The following WDR12 variants were observed in gnomAD, a reference collection of about 807,000 sequenced individuals.
WDR12 encodes ribosome biogenesis protein WDR12.
In WDR12, 42 loss-of-function variants were observed where a neutral mutation model predicts 64.3. That is an observed-to-expected ratio of 0.65 (90% CI 0.51 to 0.84). The LOEUF is 0.84. Ranked by LOEUF, WDR12 falls within the 40% of genes least tolerant of loss-of-function variation. The pLI is 0.00. For missense variants in WDR12, 469 were observed against 494.6 expected, an observed-to-expected ratio of 0.95 and a Z score of 0.49; for synonymous variants, 158 against 173.3, an observed-to-expected ratio of 0.91 and a Z score of 0.70.
chr2:202,905,366 A>G (rs545910287), intron 2 of WDR12, among the ~76,000 whole-genome samples: 1 of 152,328 alleles, frequency 6.6e-6, no homozygotes, highest in South Asian at 2.1e-4. Context: ...GCTGGTCTCA[A>G]ATTCTTGACT....
At chr2:202,890,996 T>TAAAAAAAAA in intron 8 of WDR12, among the ~76,000 whole-genome samples, 1 of 111,176 alleles carries the variant, frequency 9.0e-6, no homozygotes, top group Non-Finnish European at 1.7e-5. Flanking sequence ...TTTGTCTCTT[T>TAAAAAAAAA]AAAAAAAAAA....
chr2:202,895,663 C>T (rs543028502), intron 6 of WDR12, among the ~76,000 whole-genome samples: 2 of 149,434 alleles, frequency 1.3e-5, no homozygotes, highest in Non-Finnish European at 3.0e-5. Context: ...GCTGGGATTA[C>T]AGGCATGCGC....
intron 1 of WDR12, 83 bp from the exon 2 acceptor site, chr2:202,908,042 T>G: frequency 7.8e-7 from 1 of 1,275,602 alleles, no homozygotes; most frequent in South Asian, 1.2e-5. Flanking sequence ...ATACATTTAT[T>G]GGGTAAATAA....
intron 8 of WDR12, among the ~76,000 whole-genome samples, chr2:202,887,520 C>G (rs1420046862): frequency 1.3e-5 from 2 of 152,246 alleles, no homozygotes; most frequent in East Asian, 3.9e-4. Flanking sequence ...GAGTGAGAAA[C>G]AGAACAATCT....
chr2:202,879,077 C>A lies in WDR12; in HGVS notation c.*1783G>T, dbSNP rs1189241906. 3 of 152,154 alleles carry A rather than the reference C, an allele frequency of 2.0e-5. No individual in the cohort carries two copies. The highest frequency in any genetic ancestry group is 7.2e-5 in the African/African-American group (3 of 41,414). 9.4% of individuals were successfully genotyped at this position (152,154 alleles called of 1,614,324 possible). A position where few individuals can be genotyped will look rare whatever the true frequency, so the allele number is the denominator to read the frequency against. On this transcript the variant is annotated 3_prime_UTR_variant, in exon 13 of 13. Coordinates refer to ENST00000261015, the MANE Select transcript of WDR12 (RefSeq NM_018256.4). ...ACAGAGTCTTGCTCTGTTGCCCAGG[C>A]TGAAATGCAGTGGCACAATCTCAGC...
At chr2:202,882,961 A>G in intron 11 of WDR12, 178 bp from the exon 12 acceptor site, 1 of 527,150 alleles carries the variant, frequency 1.9e-6, no homozygotes, top group Non-Finnish European at 3.4e-6. Flanking sequence ...TATCATTGGT[A>G]GACCACAGAC....
At chr2:202,910,284 A>G (rs1175060790) in intron 1 of WDR12, among the ~76,000 whole-genome samples, 1 of 152,184 alleles carries the variant, frequency 6.6e-6, no homozygotes, top group Non-Finnish European at 1.5e-5. Context: ...GGACTTTGGG[A>G]GACCGAGGTG....
chr2:202,889,343 G>GT (rs1347585319), intron 8 of WDR12, among the ~76,000 whole-genome samples: 3 of 151,968 alleles, frequency 2.0e-5, no homozygotes, highest in African/African-American at 7.2e-5. Context: ...TTACAAATCA[G>GT]TAAGTAAAAA....
At chr2:202,883,865 T>C in intron 10 of WDR12, 124 bp from the exon 11 acceptor site, 1 of 957,844 alleles carries the variant, frequency 1.0e-6, no homozygotes, top group South Asian at 1.7e-5. Context: ...CAGGCTGGAG[T>C]GCAGTAGTGC....
At chr2:202,888,545 A>G (rs566424760) in intron 8 of WDR12, among the ~76,000 whole-genome samples, 7 of 152,350 alleles carry the variant, frequency 4.6e-5, no homozygotes, top group African/African-American at 1.7e-4. Flanking sequence ...TTGAGAATTA[A>G]GGAGGAAAAG....
At chr2:202,892,832 T>C (rs1464427762) in intron 7 of WDR12, 130 bp from the exon 8 acceptor site, 2 of 466,302 alleles carry the variant, frequency 4.3e-6, no homozygotes, top group East Asian at 3.7e-5. Flanking sequence ...ATATTCCTCA[T>C]CATTTTGGTT....
At chr2:202,898,082 CA>C (rs953836753) in intron 4 of WDR12, among the ~76,000 whole-genome samples, 8 of 149,448 alleles carry the variant, frequency 5.4e-5, no homozygotes, top group South Asian at 2.1e-4. Context: ...CACCCCCACC[CA>C]AAAAAAATCC....
intron 1 of WDR12, among the ~76,000 whole-genome samples, chr2:202,908,494 G>T (rs1211157992): frequency 6.6e-6 from 1 of 152,144 alleles, no homozygotes; most frequent in Non-Finnish European, 1.5e-5. Flanking sequence ...GTGAGGGAAG[G>T]GTAGGCTGGA....
At chr2:202,893,576 G>A (rs1438914720) in intron 7 of WDR12, among the ~76,000 whole-genome samples, 2 of 152,092 alleles carry the variant, frequency 1.3e-5, no homozygotes, top group South Asian at 2.1e-4. Flanking sequence ...AACTGGTTAA[G>A]CTTTTCTTGA....
At chr2:202,892,939 T>A (rs549292910) in intron 7 of WDR12, among the ~76,000 whole-genome samples, 126 of 152,222 alleles carry the variant, frequency 8.3e-4, no homozygotes, top group African/African-American at 2.8e-3. Context: ...TCTAAGTAAT[T>A]TAAAATCTTG....
intron 2 of WDR12, among the ~76,000 whole-genome samples, chr2:202,901,438 C>T (rs558021615): frequency 6.6e-6 from 1 of 152,100 alleles, no homozygotes; most frequent in Non-Finnish European, 1.5e-5. Context: ...CTCCATTCCC[C>T]GGCTGGTTTA....
chr2:202,892,228 T>C (rs1389612921), intron 8 of WDR12, among the ~76,000 whole-genome samples: 2 of 152,300 alleles, frequency 1.3e-5, no homozygotes, highest in South Asian at 2.1e-4. Flanking sequence ...TTAGAAGATA[T>C]AACTAGGATC....
chr2:202,874,457 T>C lies in WDR12; in HGVS notation c.*6403A>G, dbSNP rs937332281. On this transcript the variant is annotated 3_prime_UTR_variant, in exon 13 of 13. Coordinates refer to ENST00000261015, the MANE Select transcript of WDR12 (RefSeq NM_018256.4). ...ACAAATGGGATCCAAACCTAGAGTCTTAGTTTCTTTAAAGACTAATGGTCT... is the reference window on the plus strand; with the variant it reads ...ACAAATGGGATCCAAACCTAGAGTCCTAGTTTCTTTAAAGACTAATGGTCT... Among the ~76,000 whole-genome samples the C allele has an allele frequency of 1.4e-4, 22 of 152,204 alleles. No individual in the cohort carries two copies.
intron 10 of WDR12, 123 bp from the exon 11 acceptor site, chr2:202,883,864 G>A (rs1687998286): frequency 4.2e-6 from 4 of 952,214 alleles, no homozygotes; most frequent in African/African-American, 1.7e-5. Context: ...CCAGGCTGGA[G>A]TGCAGTAGTG....
Sources: gnomAD v4.1 joint callset for allele counts (sites outside exome capture counted in the v4.1 genomes callset) on GRCh38, gnomAD v4.1.1 for gene constraint, MANE v1.5 for transcripts, NCBI Gene and HGNC (gene_info 2026-07-23, HGNC 2026-07-21) for gene names.